The following TENM1 variants were observed in gnomAD, a reference collection of about 807,000 sequenced individuals.
TENM1 encodes teneurin-1.
A neutral mutation model predicts 174.8 loss-of-function variants in TENM1; 35 were observed. That is an observed-to-expected ratio of 0.20 (90% confidence interval 0.15 to 0.27). The LOEUF is 0.27. Among genes scored for constraint, TENM1 ranks in the 10% least tolerant of loss-of-function variants. The probability of loss-of-function intolerance (pLI) is 1.00; values close to 1 mark genes in which losing one functional copy is unlikely to be tolerated. For missense variants in TENM1, 1,633 were observed against 2,130.1 expected (o/e 0.77, Z 4.59); for synonymous variants, 781 against 798.7 (o/e 0.98, Z 0.37).
chrX:125,158,084 C>G, the TENM1 span, among the ~76,000 whole-genome samples: 1 of 110,817 alleles, frequency 9.0e-6, no homozygotes, highest in South Asian at 3.8e-4. Context: ...TACATCCTGA[C>G]ATAGGTAATA....
the TENM1 span, among the ~76,000 whole-genome samples, chrX:125,054,085 G>GT: frequency 8.9e-6 from 1 of 111,940 alleles, no homozygotes; most frequent in African/African-American, 3.2e-5. Context: ...AAGTAAACTA[G>GT]TATCAGCATT....
chrX:124,672,714 A>G (rs929733992), intron 5 of TENM1, among the ~76,000 whole-genome samples: 1 of 112,157 alleles, frequency 8.9e-6, no homozygotes, highest in Admixed American at 9.5e-5. Context: ...ATAACTGATG[A>G]GATAGTAAAT....
chrX:124,867,204 C>T (rs762913097), intron 3 of TENM1, among the ~76,000 whole-genome samples: 1 of 111,418 alleles, frequency 9.0e-6, no homozygotes, highest in African/African-American at 3.3e-5. Context: ...AACTATAGGC[C>T]AATATTTCTG....
chrX:125,051,916 A>C, the TENM1 span, among the ~76,000 whole-genome samples: 670 of 107,813 alleles, frequency 6.2e-3, 2 homozygotes, highest in Middle Eastern at 0.019. Flanking sequence ...CAACCTACAG[A>C]ATGGGAGAAA....
At chrX:124,532,678 T>G (rs2048132696) in intron 15 of TENM1, among the ~76,000 whole-genome samples, 1 of 112,006 alleles carries the variant, frequency 8.9e-6, no homozygotes, top group South Asian at 3.7e-4. Context: ...ACTCCCCTTC[T>G]TTCTTATTCC....
At position 124,865,797 on chromosome X, in the gene TENM1, A is replaced by C. The variant is rs142619853; in HGVS notation, c.535+28499T>G. ...ACCTGTAAAGCACACATAGACTGAA[A>C]ATAAAGGAATGGAAAAAGATATTAC... On this transcript the variant is annotated intron_variant, in intron 3 of 31. Transcript: ENST00000422452. Among the ~76,000 whole-genome samples, 459 of 111,888 alleles carry C rather than the reference A, an allele frequency of 4.1e-3. 2 individuals carry two copies. Among genetic ancestry groups the C allele is most frequent in the Non-Finnish European group, 6.8e-3 (361 of 53,061 alleles).
chrX:124,866,308 A>G (rs1211351667), intron 3 of TENM1, among the ~76,000 whole-genome samples: 3 of 112,254 alleles, frequency 2.7e-5, no homozygotes, highest in African/African-American at 6.5e-5. Flanking sequence ...AATATCAAGC[A>G]TCTTCTCTAC....
chrX:125,139,857 CGGAGAGAGAGAGAGAGAG>C, the TENM1 span, among the ~76,000 whole-genome samples: 3 of 72,229 alleles, frequency 4.2e-5, no homozygotes, highest in Admixed American at 1.8e-4. Flanking sequence ...CACACACACA[CGGAGAGAGAGAGAGAGAG>C]AGAGAGAGAG....
At chrX:124,691,559 T>A (rs1266677061) in intron 5 of TENM1, among the ~76,000 whole-genome samples, 1 of 111,911 alleles carries the variant, frequency 8.9e-6, no homozygotes, top group Non-Finnish European at 1.9e-5. Flanking sequence ...GCTCAATCAT[T>A]ATCAAAAAGA....
intron 11 of TENM1, among the ~76,000 whole-genome samples, chrX:124,606,744 A>G (rs2050167837): frequency 8.9e-6 from 1 of 111,985 alleles, no homozygotes; most frequent in South Asian, 3.6e-4. Context: ...GGTTTAGACC[A>G]TAGCTCTGAT....
intron 18 of TENM1, among the ~76,000 whole-genome samples, chrX:124,509,263 G>C (rs780319333): frequency 1.2e-4 from 13 of 111,313 alleles, no homozygotes; most frequent in African/African-American, 3.3e-4. Context: ...TAGGCAGAGA[G>C]AGTGGCATGT....
At chrX:124,400,875 A>G (rs2060391624) in intron 27 of TENM1, among the ~76,000 whole-genome samples, 1 of 112,603 alleles carries the variant, frequency 8.9e-6, no homozygotes, top group Admixed American at 9.4e-5. Flanking sequence ...GATGCAGCAG[A>G]TAAGCAGATA....
At chrX:124,699,560 A>G (rs918974025) in intron 5 of TENM1, among the ~76,000 whole-genome samples, 1 of 111,398 alleles carries the variant, frequency 9.0e-6, no homozygotes, top group Non-Finnish European at 1.9e-5. Context: ...AAAAAAAATA[A>G]GTGCAGTATT....
chrX:124,535,268 CCATAA>C (rs1423842697), intron 15 of TENM1, among the ~76,000 whole-genome samples: 1 of 111,378 alleles, frequency 9.0e-6, no homozygotes, highest in East Asian at 2.8e-4. Context: ...AAAAGCAAGG[CCATAA>C]CATACTCAGC....
Position 124,469,188 on chromosome X carries a change from A to G in TENM1, c.3949+12544T>C, listed in dbSNP as rs527539436. Among the ~76,000 whole-genome samples the G allele has an allele frequency of 4.4e-5, 5 of 112,510 alleles. No homozygotes were observed. The East Asian group carries it at 1.4e-3, about 31-fold the overall frequency. ...AATCAATGAAGTCTGAAAGAAGAAA[A>G]TTTGAATGCAGTCAAACAATTTTGA... On this transcript the variant is annotated intron_variant, in intron 22 of 31. Coordinates refer to ENST00000422452, the Ensembl canonical transcript of TENM1.
chrX:124,673,188 A>G (rs1474004050), intron 5 of TENM1, among the ~76,000 whole-genome samples: 1 of 111,632 alleles, frequency 9.0e-6, no homozygotes, highest in Non-Finnish European at 1.9e-5. Context: ...GCTGAACAAA[A>G]TATGACTTTG....
intron 3 of TENM1, among the ~76,000 whole-genome samples, chrX:124,810,876 A>G (rs1391288340): frequency 9.0e-6 from 1 of 111,485 alleles, no homozygotes; most frequent in African/African-American, 3.3e-5. Context: ...CAGAATAGAG[A>G]GCCCAGAAAT....
chrX:124,930,360 G>A (rs1436464150), intron 1 of TENM1, among the ~76,000 whole-genome samples: 6 of 111,515 alleles, frequency 5.4e-5, no homozygotes, highest in Non-Finnish European at 1.9e-5. Context: ...TTTTCTGCAC[G>A]GTGCATTGCC....
the TENM1 span, among the ~76,000 whole-genome samples, chrX:124,998,090 G>GA: frequency 0.054 from 2,650 of 48,642 alleles, 49 homozygotes; most frequent in African/African-American, 0.074. Context: ...TCATTTTAGA[G>GA]AAAAAAAAAA....
Sources: gnomAD v4.1 joint callset for allele counts (sites outside exome capture counted in the v4.1 genomes callset) on GRCh38, gnomAD v4.1.1 for gene constraint, MANE v1.5 for transcripts, NCBI Gene and HGNC (gene_info 2026-07-23, HGNC 2026-07-21) for gene names.